Variants in CNBD1 observed in about 807,000 individuals in gnomAD.
CNBD1 encodes cyclic nucleotide binding domain containing 1, also known as cyclic nucleotide-binding domain-containing protein 1.
In CNBD1, 71 loss-of-function variants were observed where a neutral mutation model predicts 54.4. That is an observed-to-expected ratio of 1.30 (90% confidence interval 1.08 to 1.59). The LOEUF is 1.59. Ranked by LOEUF, CNBD1 falls within the 40% of genes most tolerant of loss-of-function variation. The probability of loss-of-function intolerance (pLI) is 0.00; values close to 1 mark genes in which losing one functional copy is unlikely to be tolerated. For synonymous variants in CNBD1, 182 were observed against 170.7 expected (o/e 1.07, Z -0.51); for missense variants, 659 against 518.0 (o/e 1.27, Z -2.64).
At chr8:87,237,147 CA>C (rs1278984863) in intron 6 of CNBD1, 35 bp downstream of exon 6, 2 of 1,375,002 alleles carry the variant, frequency 1.5e-6, no homozygotes, top group Admixed American at 2.0e-5. Flanking sequence ...CCACAAGCAA[CA>C]AGGTAACGGG....
chr8:87,091,670 G>A (rs1360317549), intron 4 of CNBD1, among the ~76,000 whole-genome samples: 1 of 152,144 alleles, frequency 6.6e-6, no homozygotes, highest in Non-Finnish European at 1.5e-5. Context: ...TTCAGGGACT[G>A]GGTGACTAAA....
intron 4 of CNBD1, among the ~76,000 whole-genome samples, chr8:86,953,990 C>A (rs1182616665): frequency 6.6e-6 from 1 of 152,196 alleles, no homozygotes; most frequent in Admixed American, 6.5e-5. Flanking sequence ...AATTTCGAAG[C>A]TTTATAGGCT....
intron 8 of CNBD1, among the ~76,000 whole-genome samples, chr8:87,327,579 G>C (rs1321740162): frequency 2.0e-5 from 3 of 152,298 alleles, no homozygotes; most frequent in East Asian, 1.9e-4. Context: ...AGGTGCGTCA[G>C]TCACCCCTTT....
At chr8:86,913,699 A>G (rs1162401254) in intron 3 of CNBD1, among the ~76,000 whole-genome samples, 1 of 152,134 alleles carries the variant, frequency 6.6e-6, no homozygotes, top group Non-Finnish European at 1.5e-5. Flanking sequence ...CGAAACTAGC[A>G]TCACTAATGA....
intron 10 of CNBD1, among the ~76,000 whole-genome samples, chr8:87,372,663 C>T (rs1309026002): frequency 6.7e-6 from 1 of 150,278 alleles, no homozygotes; most frequent in African/African-American, 2.4e-5. Context: ...TATTTGTCCA[C>T]AAATAAGTGG....
intron 4 of CNBD1, among the ~76,000 whole-genome samples, chr8:86,951,581 CAAAAAAAAAAAAAAAAAAAAAAAAA>C (rs71275901): frequency 2.7e-5 from 1 of 37,360 alleles, no homozygotes; most frequent in South Asian, 1.3e-3. Context: ...CTCCGTCTCA[CAAAAAAAAAAAAAAAAAAAAAAAAA>C]AAAAAAAAAA....
chr8:87,076,071 T>C (rs979054583), intron 4 of CNBD1, among the ~76,000 whole-genome samples: 3 of 152,210 alleles, frequency 2.0e-5, no homozygotes, highest in Admixed American at 1.3e-4. Flanking sequence ...ATTTCAATTA[T>C]GTTTCTGAAA....
intron 2 of CNBD1, among the ~76,000 whole-genome samples, chr8:87,393,357 A>C (rs907576300): frequency 6.6e-6 from 1 of 151,914 alleles, no homozygotes; most frequent in African/African-American, 2.4e-5. Context: ...TGCCAATTAG[A>C]TAAGATGTGA....
At chr8:87,406,604 G>A (rs560669693) in intron 2 of CNBD1, among the ~76,000 whole-genome samples, 50 of 151,104 alleles carry the variant, frequency 3.3e-4, no homozygotes, top group African/African-American at 7.5e-4. Context: ...CTCAGCTTCC[G>A]GAGTAGCTAG....
intron 2 of CNBD1, among the ~76,000 whole-genome samples, chr8:86,896,446 A>G (rs1340464662): frequency 6.6e-6 from 1 of 152,048 alleles, no homozygotes; most frequent in Non-Finnish European, 1.5e-5. Context: ...GGGGCAGTGT[A>G]TATCTTTCTA....
intron 4 of CNBD1, among the ~76,000 whole-genome samples, chr8:87,082,331 T>C (rs1811012853): frequency 6.6e-6 from 1 of 152,080 alleles, no homozygotes; most frequent in East Asian, 1.9e-4. Context: ...CCCACCCCTA[T>C]CTCCCTTTGC....
intron 4 of CNBD1, among the ~76,000 whole-genome samples, chr8:87,202,035 A>T (rs1813874500): frequency 6.6e-6 from 1 of 152,216 alleles, no homozygotes; most frequent in South Asian, 2.1e-4. Context: ...TCATTTTGAA[A>T]ATGTAATAAC....
chr8:87,012,457 A>T (rs1278002822), intron 4 of CNBD1, among the ~76,000 whole-genome samples: 1 of 152,174 alleles, frequency 6.6e-6, no homozygotes, highest in Non-Finnish European at 1.5e-5. Context: ...ATTTAACCCA[A>T]AATATATTTC....
At chr8:87,144,056 G>A (rs977751898) in intron 4 of CNBD1, among the ~76,000 whole-genome samples, 1 of 152,098 alleles carries the variant, frequency 6.6e-6, no homozygotes, top group Non-Finnish European at 1.5e-5. Context: ...ATAAAATAAA[G>A]CAGTTTGTTC....
chr8:87,302,310 G>C (rs150748125), intron 8 of CNBD1, among the ~76,000 whole-genome samples: 2,049 of 152,130 alleles, frequency 0.013, 35 homozygotes, highest in African/African-American at 0.046. Flanking sequence ...GGGCTTCATC[G>C]CTGGGATGCA....
At chr8:87,154,201 T>A (rs1812667218) in intron 4 of CNBD1, among the ~76,000 whole-genome samples, 1 of 152,240 alleles carries the variant, frequency 6.6e-6, no homozygotes, top group African/African-American at 2.4e-5. Context: ...ATCTCCAATT[T>A]GGTGTAATAG....
chr8:87,373,662 T>A (rs957963179), intron 10 of CNBD1, among the ~76,000 whole-genome samples: 1 of 151,796 alleles, frequency 6.6e-6, no homozygotes, highest in African/African-American at 2.4e-5. Context: ...TTACAATAAA[T>A]GTTGGCTTAT....
intron 2 of CNBD1, among the ~76,000 whole-genome samples, chr8:87,420,761 G>A (rs909511948): frequency 1.3e-5 from 2 of 149,144 alleles, no homozygotes; most frequent in African/African-American, 4.9e-5. Context: ...TAAATTGTTT[G>A]CTTGATTTTC....
At chr8:87,361,472 C>A (rs759866586) in intron 10 of CNBD1, among the ~76,000 whole-genome samples, 9 of 151,406 alleles carry the variant, frequency 5.9e-5, no homozygotes, top group Non-Finnish European at 1.3e-4. Flanking sequence ...ATATAGCTTA[C>A]CATTAATAGA....
Sources: gnomAD v4.1 joint callset for allele counts (sites outside exome capture counted in the v4.1 genomes callset) on GRCh38, gnomAD v4.1.1 for gene constraint, MANE v1.5 for transcripts, NCBI Gene and HGNC (gene_info 2026-07-23, HGNC 2026-07-21) for gene names.